Variants in SGMS1 observed in about 807,000 individuals in gnomAD.
The protein encoded by SGMS1 is sphingomyelin synthase 1.
A neutral mutation model predicts 46.2 loss-of-function variants in SGMS1; 13 were observed. The ratio of observed to expected loss-of-function variants is 0.28; its 90% confidence interval spans 0.18 to 0.45. The LOEUF (loss-of-function observed/expected upper bound fraction) is 0.45. Among genes scored for constraint, SGMS1 ranks in the 20% least tolerant of loss-of-function variants. The probability of loss-of-function intolerance (pLI) is 1.00; values close to 1 mark genes in which losing one functional copy is unlikely to be tolerated. For missense variants in SGMS1, 324 were observed against 519.9 expected, an observed-to-expected ratio of 0.62 and a Z score of 3.66; for synonymous variants, 203 against 187.8, an observed-to-expected ratio of 1.08 and a Z score of -0.66.
chr10:50,353,420 G>A (rs1320056832), intron 6 of SGMS1, among the ~76,000 whole-genome samples: 2 of 152,290 alleles, frequency 1.3e-5, no homozygotes, highest in Non-Finnish European at 2.9e-5. Flanking sequence ...AATATATTAG[G>A]TATTGATGGG....
intron 1 of SGMS1, among the ~76,000 whole-genome samples, chr10:50,605,102 C>T (rs543143362): frequency 6.6e-6 from 1 of 151,422 alleles, no homozygotes; most frequent in East Asian, 1.9e-4. Flanking sequence ...AAAAAAGCAC[C>T]TACAGACATG....
intron 8 of SGMS1, among the ~76,000 whole-genome samples, chr10:50,319,652 A>T (rs1433373004): frequency 6.6e-6 from 1 of 152,168 alleles, no homozygotes; most frequent in African/African-American, 2.4e-5. Context: ...ATTTGGTTTT[A>T]TCTGAATGTT....
chr10:50,408,497 C>G (rs1365576019), intron 6 of SGMS1, among the ~76,000 whole-genome samples: 1 of 142,144 alleles, frequency 7.0e-6, no homozygotes, highest in African/African-American at 2.6e-5. Flanking sequence ...TCCTGGCTAA[C>G]ACGGTGAAAC....
chr10:50,517,513 A>G (rs1025108548), intron 3 of SGMS1, among the ~76,000 whole-genome samples: 1 of 152,166 alleles, frequency 6.6e-6, no homozygotes, highest in African/African-American at 2.4e-5. Context: ...CAAGAAAGAA[A>G]ATACTGAACA....
intron 3 of SGMS1, among the ~76,000 whole-genome samples, chr10:50,505,513 C>T (rs757449487): frequency 1.3e-5 from 2 of 152,202 alleles, no homozygotes; most frequent in African/African-American, 2.4e-5. Flanking sequence ...CCCTTCTCCT[C>T]TCCAGCCTCA....
At chr10:50,407,932 A>G (rs879606247) in intron 6 of SGMS1, among the ~76,000 whole-genome samples, 2 of 152,118 alleles carry the variant, frequency 1.3e-5, no homozygotes, top group African/African-American at 2.4e-5. Context: ...CTAAATTTGT[A>G]TCTAAATATC....
chr10:50,488,593 C>T (rs900175039), intron 3 of SGMS1, among the ~76,000 whole-genome samples: 1 of 152,048 alleles, frequency 6.6e-6, no homozygotes, highest in African/African-American at 2.4e-5. Context: ...GTCAATATTC[C>T]AGACTTTTCC....
At chr10:50,356,724 T>A (rs577525327) in intron 6 of SGMS1, among the ~76,000 whole-genome samples, 189 of 151,052 alleles carry the variant, frequency 1.3e-3, no homozygotes, top group African/African-American at 4.3e-3. Context: ...AATAAAAAAA[T>A]AAAAAATAAA....
chr10:50,623,995 T>C, upstream of SGMS1: 1 of 985,380 alleles, frequency 1.0e-6, no homozygotes, highest in Non-Finnish European at 1.2e-6. Context: ...CCGGCCCGGC[T>C]TCCCGCGCGA....
At chr10:50,577,156 T>C (rs1186175644) in intron 2 of SGMS1, among the ~76,000 whole-genome samples, 1 of 152,210 alleles carries the variant, frequency 6.6e-6, no homozygotes, top group East Asian at 1.9e-4. Context: ...AGGGGTAACT[T>C]GCTTGGGCTG....
At chr10:50,374,025 T>C (rs1458336082) in intron 6 of SGMS1, among the ~76,000 whole-genome samples, 3 of 152,162 alleles carry the variant, frequency 2.0e-5, no homozygotes, top group Non-Finnish European at 1.5e-5. Context: ...GCCACATCAA[T>C]TGCACTGAAG....
intron 3 of SGMS1, among the ~76,000 whole-genome samples, chr10:50,511,248 T>TACACACATAC (rs1837751859): frequency 7.1e-6 from 1 of 141,704 alleles, no homozygotes; most frequent in Non-Finnish European, 1.6e-5. Context: ...CACTCATTCA[T>TACACACATAC]ACACACACAC....
chr10:50,386,007 T>C (rs1238760789), intron 6 of SGMS1, among the ~76,000 whole-genome samples: 2 of 152,142 alleles, frequency 1.3e-5, no homozygotes, highest in Admixed American at 6.6e-5. Flanking sequence ...AAATTTTTCT[T>C]CTGCAGCTGT....
chr10:50,433,244 C>T (rs886503308), intron 6 of SGMS1, among the ~76,000 whole-genome samples: 3 of 152,142 alleles, frequency 2.0e-5, no homozygotes, highest in African/African-American at 4.8e-5. Flanking sequence ...GCTCTGTCCA[C>T]CAAATTGACA....
At chr10:50,406,800 G>C (rs1849022312) in intron 6 of SGMS1, among the ~76,000 whole-genome samples, 1 of 151,774 alleles carries the variant, frequency 6.6e-6, no homozygotes, top group African/African-American at 2.4e-5. Context: ...GTCCCCTTGG[G>C]CTTAAGAGAC....
chr10:50,430,213 T>C (rs1324858918), intron 6 of SGMS1, among the ~76,000 whole-genome samples: 4 of 152,144 alleles, frequency 2.6e-5, no homozygotes, highest in South Asian at 4.1e-4. Flanking sequence ...AAGATGTTCA[T>C]TACAGCACAC....
intron 6 of SGMS1, among the ~76,000 whole-genome samples, chr10:50,385,954 G>C (rs1441553245): frequency 2.0e-5 from 3 of 152,078 alleles, no homozygotes; most frequent in East Asian, 3.9e-4. Context: ...CTGCTTGCTA[G>C]ACCCTCTTGT....
chr10:50,481,330 AACCAGGC>A (rs1837475022), intron 3 of SGMS1, among the ~76,000 whole-genome samples: 1 of 152,176 alleles, frequency 6.6e-6, no homozygotes, highest in Admixed American at 6.5e-5. Flanking sequence ...CCAGAGGAAA[AACCAGGC>A]ACCCATCTTT....
chr10:50,360,405 TA>T (rs941973045), intron 6 of SGMS1, among the ~76,000 whole-genome samples: 4 of 151,604 alleles, frequency 2.6e-5, no homozygotes, highest in Non-Finnish European at 4.4e-5. Context: ...GCAAAGCCTT[TA>T]AAAAAAAACT....
Sources: allele counts gnomAD v4.1 joint callset (sites outside exome capture counted in the v4.1 genomes callset), GRCh38; gene constraint gnomAD v4.1.1; transcripts MANE v1.5; gene names NCBI Gene and HGNC (gene_info 2026-07-23, HGNC 2026-07-21).